ITGA3: variants seen among roughly 807,000 people sequenced by gnomAD.
ITGA3 encodes integrin alpha-3.
A neutral mutation model predicts 131.1 loss-of-function variants in ITGA3; 70 were observed. The ratio of observed to expected loss-of-function variants is 0.53; its 90% CI spans 0.44 to 0.65. The LOEUF (loss-of-function observed/expected upper bound fraction) is 0.65, where lower values mean the gene tolerates loss of function less well. ITGA3 is among the 30% of genes least tolerant of loss of function. ITGA3 has a pLI of 0.00. For missense variants in ITGA3, 1,098 were observed against 1,388.6 expected (o/e 0.79, Z 3.33); for synonymous variants, 537 against 571.6 (o/e 0.94, Z 0.86).
In ITGA3 at chr17:50,076,647, G is replaced by A. The variant is rs1434330703; in HGVS notation, c.1888G>A (p.Ala630Thr). The change falls in exon 14 of 26, where the codon GCC becomes ACC. Residue 630 changes from alanine (A) to threonine (T), a missense_variant. Ala to Thr is a moderately conservative substitution (Grantham distance 58). Coordinates refer to ENST00000320031, the MANE Select transcript of ITGA3 (RefSeq NM_002204.4). ...KCESNLQMRA[A>T]FVSEQQQKLS... ...TGAGAGCAACTTGCAGATGCGGGCA[G>A]CCTTCGTGTCAGAGCAGCAGCAGAA... 2 of 1,613,562 alleles carry A rather than the reference G, an allele frequency of 1.2e-6. No individual in the cohort carries two copies. The highest frequency in any genetic ancestry group is 2.2e-5 in the East Asian group (1 of 44,874).
rs749115741 is a variant in ITGA3 at position 50,074,156 on chromosome 17, G to A, written c.1258G>A (p.Glu420Lys). 1.2e-6 allele frequency: 2 copies of A among 1,614,000 alleles called. No individual in the cohort carries two copies. The highest frequency in any genetic ancestry group is 1.7e-5 in the Admixed American group (1 of 60,024). The stretch of plus-strand genomic sequence containing the variant: ...CCCCTGCCCCCAGGTAATCCATGGA[G>A]AGAAGCTGGGACTGCCTGGGTTGGC... The part of the protein sequence containing the change: ...LRQPQQVIHG[E>K]KLGLPGLATF... Residue 420 changes from glutamate to lysine, a missense_variant, in exon 9 of 26, where the codon GAG (glutamate) becomes AAG (lysine). Coordinates refer to ENST00000320031, the MANE Select transcript of ITGA3 (RefSeq NM_002204.4).
intron 23 of ITGA3, among the ~76,000 whole-genome samples, chr17:50,084,222 C>T (rs1909294956): frequency 9.1e-6 from 1 of 109,598 alleles, no homozygotes; most frequent in Non-Finnish European, 1.7e-5. Flanking sequence ...CAGAGTGAGA[C>T]TCTGTCTCAA....
Position 50,078,104 on chromosome 17 carries a change from A to G in ITGA3, c.2198A>G (p.Gln733Arg). ...GTGACCCTGCACACAAGGGACCTTC[A>G]GGTGCAGCTGCAGCTCTCCACGTGA... is the stretch of plus-strand genomic sequence containing the variant. The part of the protein sequence containing the change: ...IGVTLHTRDL[Q>R]VQLQLSTSSH... The change falls in exon 17 of 26, where the codon CAG becomes CGG. Residue 733 changes from glutamine (Q) to arginine (R), a missense_variant. Transcript: ENST00000320031. 6.2e-7 allele frequency: 1 copy of G among 1,613,726 alleles called. No homozygotes were observed. Among genetic ancestry groups the G allele is most frequent in the Admixed American group, 1.7e-5 (1 of 60,008 alleles).
chr17:50,071,232 G>A, intron 5 of ITGA3, 79 bp from the exon 6 acceptor site: 2 of 1,260,350 alleles, frequency 1.6e-6, no homozygotes, highest in Non-Finnish European at 1.1e-6. Context: ...GGGCAAGAGA[G>A]GGAATAGGGA....
rs1413441010 is a variant in ITGA3, at chr17:50,073,960, A to C, written c.1201A>C (p.Ile401Leu). Reference sequence around the variant, plus strand: ...GTTTGAAGGCTTGGGCAAAGTGTACATCTATCACAGTAGCTCTAAGGGGCT... The same window carrying C: ...GTTTGAAGGCTTGGGCAAAGTGTACCTCTATCACAGTAGCTCTAAGGGGCT... The part of the protein sequence containing the change: ...APFEGLGKVY[I>L]YHSSSKGLLR... Residue 401 changes from isoleucine (I) to leucine (L), a missense_variant, in exon 8 of 26, where the codon ATC becomes CTC. Coordinates refer to ENST00000320031, the MANE Select transcript of ITGA3 (RefSeq NM_002204.4). 6.2e-7 allele frequency: 1 copy of C among 1,614,012 alleles called. No homozygotes were observed. Among genetic ancestry groups the C allele is most frequent in the Non-Finnish European group, 8.5e-7 (1 of 1,179,996 alleles).
intron 1 of ITGA3, among the ~76,000 whole-genome samples, chr17:50,062,032 CCT>C (rs1205437668): frequency 7.7e-6 from 1 of 130,318 alleles, no homozygotes; most frequent in African/African-American, 2.7e-5. Context: ...AGAGCAAGAC[CCT>C]GTCTCAAAAA....
intron 23 of ITGA3, among the ~76,000 whole-genome samples, chr17:50,085,671 T>A (rs1262612616): frequency 7.0e-5 from 9 of 129,198 alleles, no homozygotes; most frequent in Non-Finnish European, 1.5e-4. Context: ...CTCAAAAAAA[T>A]ATATATATTA....
intron 1 of ITGA3, 200 bp from the exon 2 acceptor site, chr17:50,063,877 C>T (rs1908202629): frequency 6.0e-6 from 4 of 664,254 alleles, no homozygotes; most frequent in Non-Finnish European, 7.5e-6. Context: ...ACTGTGCTCC[C>T]TGCTTCCCAC....
intron 23 of ITGA3, among the ~76,000 whole-genome samples, chr17:50,084,507 G>A (rs1909307505): frequency 6.6e-6 from 1 of 152,150 alleles, no homozygotes; most frequent in Admixed American, 6.6e-5. Context: ...ATGTCTTTCA[G>A]TAGGAGATTG....
At chr17:50,058,749 G>C (rs1247520682) in intron 1 of ITGA3, among the ~76,000 whole-genome samples, 1 of 152,228 alleles carries the variant, frequency 6.6e-6, no homozygotes, top group Non-Finnish European at 1.5e-5. Flanking sequence ...CTTAGCTGCA[G>C]CCAGCTGTGT....
In ITGA3 at chr17:50,071,605, T is replaced by A. The variant is rs1026630972; in HGVS notation, c.959+87T>A. 7.2e-6 allele frequency: 9 copies of A among 1,254,170 alleles called. No homozygotes were observed. The Admixed American group carries it at 1.3e-4, about 18-fold the overall frequency. The allele number at this position is 1,254,170 out of a possible 1,614,324, so 77.7% of individuals were successfully genotyped here. On this transcript the variant is annotated intron_variant, in intron 6 of 25. Transcript: ENST00000320031. ...AAGCCAGGTGAGGGGAGTGGAGGAT[T>A]TGCAGTTGTGCGGCTGTCTGCATGT...
intron 4 of ITGA3, 44 bp downstream of exon 4, chr17:50,068,349 C>T (rs189511098): frequency 1.3e-6 from 2 of 1,599,892 alleles, no homozygotes; most frequent in African/African-American, 1.3e-5. Flanking sequence ...AGAGCAGAGA[C>T]CACCCACCCC....
intron 7 of ITGA3, among the ~76,000 whole-genome samples, chr17:50,073,593 AACACACACACACAC>A (rs71146961): frequency 9.0e-5 from 13 of 144,160 alleles, no homozygotes; most frequent in Admixed American, 1.4e-4. Flanking sequence ...ACTGTCTATA[AACACACACACACAC>A]ACACACACAC....
At chr17:50,077,272 G>C in intron 15 of ITGA3, 107 bp from the exon 16 acceptor site, 1 of 1,327,554 alleles carries the variant, frequency 7.5e-7, no homozygotes, top group Non-Finnish European at 1.1e-6. Flanking sequence ...TCTGCTGCTT[G>C]GAGAATCCGG....
At chr17:50,081,125 G>T in intron 22 of ITGA3, 185 bp from the exon 23 acceptor site, 2 of 572,356 alleles carry the variant, frequency 3.5e-6, no homozygotes, top group Non-Finnish European at 6.3e-6. Context: ...ACGCAGAAAT[G>T]AATGAACAAA....
intron 23 of ITGA3, among the ~76,000 whole-genome samples, chr17:50,083,830 G>A (rs1400223291): frequency 6.6e-6 from 1 of 151,802 alleles, no homozygotes; most frequent in African/African-American, 2.4e-5. Context: ...ATATATAAAG[G>A]ATATCAATTG....
At chr17:50,060,175 G>T (rs142853646) in intron 1 of ITGA3, among the ~76,000 whole-genome samples, 1 of 152,136 alleles carries the variant, frequency 6.6e-6, no homozygotes, top group Non-Finnish European at 1.5e-5. Context: ...CCTCCCGGCC[G>T]GGGATAGGAG....
At chr17:50,059,365 C>T (rs1247043574) in intron 1 of ITGA3, among the ~76,000 whole-genome samples, 3 of 152,142 alleles carry the variant, frequency 2.0e-5, no homozygotes, top group South Asian at 2.1e-4. Flanking sequence ...GGGATACTGC[C>T]GGTCCTTCTC....
chr17:50,083,868 G>A (rs1218141386), intron 23 of ITGA3, among the ~76,000 whole-genome samples: 1 of 151,872 alleles, frequency 6.6e-6, no homozygotes, highest in East Asian at 1.9e-4. Context: ...AAATACAAAT[G>A]TTCATCTTGC....
Sources: gnomAD v4.1 joint callset for allele counts (sites outside exome capture counted in the v4.1 genomes callset) on GRCh38, gnomAD v4.1.1 for gene constraint, MANE v1.5 for transcripts, NCBI Gene and HGNC (gene_info 2026-07-23, HGNC 2026-07-21) for gene names.